Variants in NSF observed in about 807,000 individuals in gnomAD.
The protein encoded by NSF is N-ethylmaleimide sensitive factor, vesicle fusing ATPase.
Under a neutral mutation model 50.3 loss-of-function variants are expected in NSF, and 14 were observed. The observed-to-expected ratio is 0.28, with a 90% confidence interval of 0.18 to 0.44. The LOEUF (loss-of-function observed/expected upper bound fraction) is 0.44, where lower values mean the gene tolerates loss of function less well. Among genes scored for constraint, NSF ranks in the 20% least tolerant of loss-of-function variants. NSF has a pLI of 1.00. For missense variants in NSF, 218 were observed against 504.3 expected, an observed-to-expected ratio of 0.43 and a Z score of 5.44; for synonymous variants, 109 against 175.7, an observed-to-expected ratio of 0.62 and a Z score of 3.00.
chr17:46,724,930 T>C (rs1230259954), intron 15 of NSF, among the ~76,000 whole-genome samples: 1 of 152,170 alleles, frequency 6.6e-6, no homozygotes, highest in Admixed American at 6.5e-5. Flanking sequence ...CAATCAGATA[T>C]CTCCAACTTC....
Position 46,696,337 on chromosome 17 carries a change from G to A in NSF, c.1374+1675G>A, listed in dbSNP as rs2146238470. 1.4e-5 allele frequency among the ~76,000 whole-genome samples: 2 copies of A among 140,810 alleles called. 1 individual carries two copies. Among genetic ancestry groups the A allele is most frequent in the African/African-American group, 5.8e-5 (2 of 34,702 alleles). 92.4% of individuals were successfully genotyped at this position (140,810 alleles called of 152,430 possible). On this transcript the variant is annotated intron_variant, in intron 12 of 20. Coordinates refer to ENST00000398238, the MANE Select transcript of NSF (RefSeq NM_006178.4). Reference sequence around the variant, plus strand: ...AATACCCCGACTGCAAAGAAGTAAAGTACCTACCATTAAGCTGCCCTCAGT... The same window carrying A: ...AATACCCCGACTGCAAAGAAGTAAAATACCTACCATTAAGCTGCCCTCAGT...
intron 9 of NSF, among the ~76,000 whole-genome samples, chr17:46,684,465 G>C (rs944023084): frequency 4.7e-4 from 71 of 152,198 alleles, no homozygotes; most frequent in African/African-American, 1.7e-3. Flanking sequence ...ATTGTAATGG[G>C]ATTGCTGGGT....
At chr17:46,678,614 T>C (rs968904372) in intron 9 of NSF, among the ~76,000 whole-genome samples, 1 of 115,176 alleles carries the variant, frequency 8.7e-6, no homozygotes, top group Non-Finnish European at 1.8e-5. Context: ...TAGAACTTTC[T>C]AAAACTGATG....
chr17:46,730,587 A>G (rs1395680604), intron 17 of NSF, among the ~76,000 whole-genome samples: 2 of 152,166 alleles, frequency 1.3e-5, no homozygotes, highest in East Asian at 3.8e-4. Flanking sequence ...GGGAAGGAAC[A>G]TTATCTTATG....
At chr17:46,722,224 A>G in intron 15 of NSF, 2 of 1,385,544 alleles carry the variant, frequency 1.4e-6, no homozygotes, top group South Asian at 2.3e-5. Context: ...AAATCTCGCG[A>G]GAGCACGTCA....
Position 46,755,818 on chromosome 17 carries a change from GA to G in NSF, c.2231del (p.Asp744ValfsTer15). ...REEGASPLDF[D>X] ...CTTTTGCAGTAGCCCCCTTGATTTT[GA>G]TTGAAAATGAACTATTTGAAACACA... On this transcript the variant is annotated frameshift_variant, in exon 21 of 21. Coordinates refer to ENST00000398238, the MANE Select transcript of NSF (RefSeq NM_006178.4). LOFTEE classifies it high-confidence loss of function. The G allele has an allele frequency of 6.3e-7, 1 of 1,596,756 alleles. No homozygotes were observed. The highest frequency in any genetic ancestry group is 8.5e-7 in the Non-Finnish European group (1 of 1,173,484).
At chr17:46,752,139 A>G (rs1351595942) in intron 19 of NSF, among the ~76,000 whole-genome samples, 1 of 152,204 alleles carries the variant, frequency 6.6e-6, no homozygotes, top group Non-Finnish European at 1.5e-5. Context: ...GCTCCTAGAA[A>G]TTTCATGCAA....
chr17:46,679,597 C>T (rs1291379799), intron 9 of NSF, among the ~76,000 whole-genome samples: 3 of 129,976 alleles, frequency 2.3e-5, no homozygotes, highest in Non-Finnish European at 4.8e-5. Context: ...GAGGCTGAGG[C>T]AGGAGAATTG....
chr17:46,746,296 T>A (rs963251490), intron 17 of NSF, among the ~76,000 whole-genome samples: 1 of 152,230 alleles, frequency 6.6e-6, no homozygotes, highest in Non-Finnish European at 1.5e-5. Context: ...GTTAAGCTAA[T>A]GGCTAATTGT....
chr17:46,713,460 GC>G (rs1204756178), intron 14 of NSF: 1 of 159,904 alleles, frequency 6.3e-6, no homozygotes, highest in East Asian at 1.9e-4. Context: ...GTTTTCCCCT[GC>G]CCCCAATATC....
At chr17:46,730,119 A>C (rs1452401592) in intron 17 of NSF, among the ~76,000 whole-genome samples, 4 of 152,128 alleles carry the variant, frequency 2.6e-5, no homozygotes, top group Non-Finnish European at 5.9e-5. Context: ...ATCTACATAT[A>C]TCATGATTCC....
chr17:46,737,572 CGTGTGTGT>C (rs10564190), intron 17 of NSF, among the ~76,000 whole-genome samples: 15 of 147,160 alleles, frequency 1.0e-4, no homozygotes, highest in South Asian at 2.2e-4. Flanking sequence ...GGTGTGTGTG[CGTGTGTGT>C]GTGTGTGTGT....
intron 17 of NSF, among the ~76,000 whole-genome samples, chr17:46,733,534 G>A (rs891439622): frequency 3.3e-5 from 5 of 152,170 alleles, no homozygotes; most frequent in Non-Finnish European, 7.3e-5. Context: ...TAACAGGGTA[G>A]CCTCGTAATT....
intron 17 of NSF, among the ~76,000 whole-genome samples, chr17:46,734,962 G>A (rs1283506040): frequency 1.3e-5 from 2 of 152,116 alleles, no homozygotes; most frequent in African/African-American, 4.8e-5. Flanking sequence ...GAGGCAGGAG[G>A]ATCGCTTGAG....
chr17:46,738,251 C>T (rs1264267309), intron 17 of NSF, among the ~76,000 whole-genome samples: 4 of 151,998 alleles, frequency 2.6e-5, no homozygotes, highest in South Asian at 2.1e-4. Context: ...TTTTAATTAA[C>T]GTACAATATG....
intron 8 of NSF, among the ~76,000 whole-genome samples, chr17:46,661,378 T>TTATTA (rs2058299060): frequency 1.9e-5 from 2 of 106,564 alleles, no homozygotes; most frequent in African/African-American, 8.8e-5. Context: ...TACATTTCTT[T>TTATTA]TTATTATTAT....
intron 13 of NSF, among the ~76,000 whole-genome samples, chr17:46,708,332 TCTC>T (rs1195539978): frequency 1.3e-5 from 2 of 152,074 alleles, no homozygotes; most frequent in Non-Finnish European, 2.9e-5. Flanking sequence ...AATTCTGACT[TCTC>T]CACATGCTCA....
chr17:46,610,027 T>TTCTTTCTTTC lies in NSF; in HGVS notation c.13-14214_13-14213insTTCTTTCTCT, dbSNP rs774244394. 2.4e-3 allele frequency among the ~76,000 whole-genome samples: 267 copies of TTCTTTCTTTC among 109,466 alleles called. 5 individuals are homozygous for TTCTTTCTTTC. Among genetic ancestry groups the TTCTTTCTTTC allele is most frequent in the African/African-American group, 8.3e-3 (252 of 30,398 alleles). 71.8% of individuals were successfully genotyped at this position (109,466 alleles called of 152,430 possible). A position where few individuals can be genotyped will look rare whatever the true frequency, so the allele number is the denominator to read the frequency against. On this transcript the variant is annotated intron_variant, in intron 1 of 20. Coordinates refer to ENST00000398238, the MANE Select transcript of NSF (RefSeq NM_006178.4). ...TTTCTCTCTTTCTTTCTTTCTTTCT[T>TTCTTTCTTTC]TCTCTCTCTCTCTCTCTTTCTTTCT... is the stretch of plus-strand genomic sequence containing the variant.
intron 13 of NSF, among the ~76,000 whole-genome samples, chr17:46,706,890 G>A (rs373141680): frequency 2.1e-5 from 3 of 143,608 alleles, no homozygotes; most frequent in Non-Finnish European, 3.0e-5. Flanking sequence ...TCACTCTGTC[G>A]CCCAGGTTGG....
Sources: allele counts gnomAD v4.1 joint callset (sites outside exome capture counted in the v4.1 genomes callset), GRCh38; gene constraint gnomAD v4.1.1; transcripts MANE v1.5; gene names NCBI Gene and HGNC (gene_info 2026-07-23, HGNC 2026-07-21).